RASSF6: variants seen among roughly 807,000 people sequenced by gnomAD.
RASSF6 encodes the protein Ras association domain family member 6.
RASSF6 carries 52 observed loss-of-function variants against 44.0 expected under a neutral mutation model. That is an observed-to-expected ratio of 1.18 (90% CI 0.95 to 1.49). The LOEUF is 1.49. Ranked by LOEUF, RASSF6 falls within the 40% of genes most tolerant of loss-of-function variation. The pLI is 0.00. For missense variants in RASSF6, 464 were observed against 393.3 expected, an observed-to-expected ratio of 1.18 and a Z score of -1.52; for synonymous variants, 162 against 124.6, an observed-to-expected ratio of 1.30 and a Z score of -2.00.
At chr4:73,602,652 T>G (rs574368374) in intron 2 of RASSF6, among the ~76,000 whole-genome samples, 2 of 152,272 alleles carry the variant, frequency 1.3e-5, no homozygotes, top group Admixed American at 1.3e-4. Context: ...CCTGTAAAAG[T>G]TCACCTTCCA....
chr4:73,617,336 TCAGG>T (rs767782370), intron 1 of RASSF6, among the ~76,000 whole-genome samples: 1 of 152,206 alleles, frequency 6.6e-6, no homozygotes, highest in Non-Finnish European at 1.5e-5. Flanking sequence ...CAAGGTGCCC[TCAGG>T]GAGATAAAGA....
chr4:73,604,157 T>C (rs1230738835), intron 2 of RASSF6: 1 of 152,226 alleles, frequency 6.6e-6, no homozygotes, highest in Non-Finnish European at 1.5e-5. Context: ...TGAAAAATGT[T>C]CATGGTTCCA....
At chr4:73,585,896 A>C (rs1225525204) in intron 5 of RASSF6, among the ~76,000 whole-genome samples, 1 of 151,074 alleles carries the variant, frequency 6.6e-6, no homozygotes, top group African/African-American at 2.4e-5. Flanking sequence ...GGTTAGTTAC[A>C]TATGTATACA....
Position 73,582,296 on chromosome 4 carries a change from A to G in RASSF6, c.568-6T>C, listed in dbSNP as rs1486781580. 7.5e-6 allele frequency: 11 copies of G among 1,462,624 alleles called. No individual in the cohort carries two copies. Among genetic ancestry groups the G allele is most frequent in the Non-Finnish European group, 9.5e-6 (10 of 1,052,942 alleles). The allele number at this position is 1,462,624 out of a possible 1,614,324, so 90.6% of individuals were successfully genotyped here. ...GCTGGAATGAAAATTGATGTCTAGA[A>G]AAAGAATTGTCACATAAGTCTTTAA... On this transcript the variant is annotated splice_region_variant and splice_polypyrimidine_tract_variant and intron_variant, in intron 6 of 10. Coordinates refer to ENST00000307439, the MANE Select transcript of RASSF6 (RefSeq NM_177532.5).
intron 2 of RASSF6, among the ~76,000 whole-genome samples, chr4:73,607,332 C>T (rs1725711515): frequency 6.6e-6 from 1 of 152,160 alleles, no homozygotes; most frequent in Non-Finnish European, 1.5e-5. Flanking sequence ...CTGTGTCCTG[C>T]ACCCCAGCAC....
intron 1 of RASSF6, among the ~76,000 whole-genome samples, chr4:73,613,927 C>T (rs1400354271): frequency 1.3e-5 from 2 of 152,214 alleles, no homozygotes; most frequent in Middle Eastern, 3.4e-3. Flanking sequence ...GTCTCCATCC[C>T]ATAATCTCTG....
intron 5 of RASSF6, among the ~76,000 whole-genome samples, chr4:73,586,016 C>G (rs1382063444): frequency 1.7e-5 from 2 of 117,056 alleles, no homozygotes; most frequent in Non-Finnish European, 3.3e-5. Flanking sequence ...GGCCCAAGTT[C>G]TTTGGAGCTT....
At chr4:73,592,699 A>G (rs1211659625) in intron 4 of RASSF6, among the ~76,000 whole-genome samples, 1 of 152,188 alleles carries the variant, frequency 6.6e-6, no homozygotes, top group African/African-American at 2.4e-5. Context: ...AATCAGATGG[A>G]ACATCATTAA....
intron 3 of RASSF6, 44 bp downstream of exon 3, chr4:73,598,596 G>T: frequency 1.1e-6 from 1 of 919,012 alleles, no homozygotes. Flanking sequence ...GCACGCATGT[G>T]TGTGTGTGAA....
chr4:73,616,012 T>C, intron 1 of RASSF6: 3 of 1,332,334 alleles, frequency 2.3e-6, no homozygotes, highest in Non-Finnish European at 3.2e-6. Context: ...AATTAAATGG[T>C]TACATATCTA....
intron 1 of RASSF6, among the ~76,000 whole-genome samples, chr4:73,614,449 C>T (rs1029675573): frequency 1.3e-5 from 2 of 152,202 alleles, no homozygotes; most frequent in African/African-American, 4.8e-5. Flanking sequence ...TGCCTGGACC[C>T]TTCCACCATG....
chr4:73,617,928 C>T (rs190613377), intron 1 of RASSF6, among the ~76,000 whole-genome samples: 128 of 152,128 alleles, frequency 8.4e-4, no homozygotes, highest in Admixed American at 3.2e-3. Context: ...CTCTAGTAAC[C>T]GTGAATTCCC....
chr4:73,613,387 T>C (rs770143375), intron 1 of RASSF6, among the ~76,000 whole-genome samples: 4 of 152,132 alleles, frequency 2.6e-5, no homozygotes, highest in Non-Finnish European at 4.4e-5. Flanking sequence ...ATTCACAGGA[T>C]TTGGTCTGGG....
chr4:73,578,752 G>A (rs1296561361), intron 8 of RASSF6, among the ~76,000 whole-genome samples: 2 of 151,874 alleles, frequency 1.3e-5, no homozygotes, highest in Non-Finnish European at 2.9e-5. Flanking sequence ...GGGATTACAG[G>A]TGTGCGCCAC....
chr4:73,609,050 CA>C (rs745546346), intron 2 of RASSF6, among the ~76,000 whole-genome samples: 1 of 152,174 alleles, frequency 6.6e-6, no homozygotes, highest in Non-Finnish European at 1.5e-5. Context: ...TTACTAAGGA[CA>C]GGATTGTACA....
chr4:73,599,934 T>C (rs1279973395), intron 2 of RASSF6, among the ~76,000 whole-genome samples: 2 of 152,144 alleles, frequency 1.3e-5, no homozygotes, highest in African/African-American at 4.8e-5. Context: ...TGGTGTTCCT[T>C]GGCCACTCCA....
Position 73,576,477 on chromosome 4 carries a change from G to T in RASSF6, c.871C>A (p.Leu291Ile). ...VAQYINFHFS[L>I]LESILQRLNE... ...AATCTTTGAAGAATGGATTCCAAGA[G>T]AGAAAAGTGAAAGTTAATGTACTGA... Residue 291 changes from leucine to isoleucine, a missense_variant, in exon 10 of 11, where the codon CTC (leucine) becomes ATC (isoleucine). Leu to Ile is a conservative substitution (Grantham distance 5). Transcript: ENST00000307439. The T allele has an allele frequency of 1.3e-6, 2 of 1,581,280 alleles. No individual in the cohort carries two copies. The highest frequency in any genetic ancestry group is 1.7e-6 in the Non-Finnish European group (2 of 1,162,084).
At chr4:73,581,614 C>G (rs1427218325) in intron 8 of RASSF6, among the ~76,000 whole-genome samples, 1 of 152,084 alleles carries the variant, frequency 6.6e-6, no homozygotes, top group African/African-American at 2.4e-5. Flanking sequence ...TATAATCAAC[C>G]CTTCAGGGAT....
rs529796526 is a variant in RASSF6 at position 73,573,563 on chromosome 4, A to C, written c.*2672T>G. On this transcript the variant is annotated 3_prime_UTR_variant, in exon 11 of 11. Coordinates refer to ENST00000307439, the MANE Select transcript of RASSF6 (RefSeq NM_177532.5). Reference sequence around the variant, plus strand: ...TCTCTGGTTATTTTCATATGATAGGATCTTACAAGTAGAATTATAGGATAA... The same window carrying C: ...TCTCTGGTTATTTTCATATGATAGGCTCTTACAAGTAGAATTATAGGATAA... The C allele has an allele frequency of 6.6e-6, 1 of 152,320 alleles. No individual in the cohort carries two copies. The highest frequency in any genetic ancestry group is 2.4e-5 in the African/African-American group (1 of 41,576). The allele number at this position is 152,320 out of a possible 1,614,324, so 9.4% of individuals were successfully genotyped here. A position where few individuals can be genotyped will look rare whatever the true frequency, so the allele number is the denominator to read the frequency against.
Sources: allele counts gnomAD v4.1 joint callset (sites outside exome capture counted in the v4.1 genomes callset), GRCh38; gene constraint gnomAD v4.1.1; transcripts MANE v1.5; gene names NCBI Gene and HGNC (gene_info 2026-07-23, HGNC 2026-07-21).